CBLB: variants seen among roughly 807,000 people sequenced by gnomAD.
CBLB encodes the protein E3 ubiquitin-protein ligase CBL-B.
In CBLB, 31 loss-of-function variants were observed where a neutral mutation model predicts 104.9. The observed-to-expected ratio is 0.30, with a 90% CI of 0.22 to 0.40. The LOEUF (loss-of-function observed/expected upper bound fraction) is 0.40. Among genes scored for constraint, CBLB ranks in the 10% least tolerant of loss-of-function variants. The pLI is 1.00. For missense variants in CBLB, 1,062 were observed against 1,214.6 expected (o/e 0.87, Z 1.87); for synonymous variants, 440 against 422.6 (o/e 1.04, Z -0.51).
At chr3:105,773,065 T>C (rs1051329501) in intron 4 of CBLB, among the ~76,000 whole-genome samples, 17 of 152,192 alleles carry the variant, frequency 1.1e-4, no homozygotes, top group African/African-American at 3.9e-4. Flanking sequence ...GAAGTCATTA[T>C]ATGAAAAAGA....
intron 10 of CBLB, among the ~76,000 whole-genome samples, chr3:105,707,083 A>G (rs2070263836): frequency 6.6e-6 from 1 of 152,160 alleles, no homozygotes; most frequent in African/African-American, 2.4e-5. Flanking sequence ...TTGATTTCAG[A>G]TGTGTTGAAG....
chr3:105,729,355 C>G (rs2074049978), intron 9 of CBLB, among the ~76,000 whole-genome samples: 1 of 152,016 alleles, frequency 6.6e-6, no homozygotes, highest in South Asian at 2.1e-4. Context: ...ATTGCAGCTG[C>G]TCAAAGAATG....
intron 9 of CBLB, among the ~76,000 whole-genome samples, chr3:105,726,252 C>T (rs1245682491): frequency 6.6e-6 from 1 of 152,216 alleles, no homozygotes; most frequent in African/African-American, 2.4e-5. Context: ...ACATATGGAA[C>T]ATCTATAAAT....
At chr3:105,785,247 G>A (rs1459412882) in intron 3 of CBLB, among the ~76,000 whole-genome samples, 1 of 152,166 alleles carries the variant, frequency 6.6e-6, no homozygotes, top group Non-Finnish European at 1.5e-5. Context: ...ATAATTTGCT[G>A]ACCCCAAAAC....
intron 16 of CBLB, chr3:105,681,273 C>A: frequency 1.7e-6 from 1 of 598,074 alleles, no homozygotes; most frequent in South Asian, 2.1e-5. Flanking sequence ...CTGACTGATG[C>A]CCAACTACTA....
chr3:105,812,134 A>C (rs1357988556), intron 3 of CBLB, among the ~76,000 whole-genome samples: 2 of 152,154 alleles, frequency 1.3e-5, no homozygotes, highest in Non-Finnish European at 2.9e-5. Context: ...TTTGCTGCTA[A>C]TGGCATATAC....
intron 4 of CBLB, among the ~76,000 whole-genome samples, chr3:105,759,908 A>G (rs1413248694): frequency 6.6e-6 from 1 of 152,206 alleles, no homozygotes; most frequent in African/African-American, 2.4e-5. Context: ...AGCCCTGGCC[A>G]TGCCTCCCCT....
Position 105,685,404 on chromosome 3 carries a change from T to A in CBLB, c.2117A>T (p.Asp706Val). ...GGATGAAGGAATCTTGTATTCATCA[T>A]CATCTTCCTCTACTGGGTCTCTTGT... is the stretch of plus-strand genomic sequence containing the variant. ...EKTRDPVEED[D>V]DEYKIPSSHP... The change falls in exon 14 of 19, where the codon GAT becomes GTT. Residue 706 changes from aspartate to valine, a missense_variant. This residue lies in a region of CBLB where 605 missense variants were observed against 582.6 expected (regional missense o/e 1.04). Coordinates refer to ENST00000394030, the MANE Select transcript of CBLB (RefSeq NM_170662.5). 1 of 1,611,434 alleles carries A rather than the reference T, an allele frequency of 6.2e-7. No individual in the cohort carries two copies. The highest frequency in any genetic ancestry group is 1.1e-5 in the South Asian group (1 of 91,052).
At chr3:105,667,386 C>T (rs2152689556) in intron 18 of CBLB, among the ~76,000 whole-genome samples, 1 of 152,162 alleles carries the variant, frequency 6.6e-6, no homozygotes, top group South Asian at 2.1e-4. Context: ...ATTTGTAAAA[C>T]CTCACACATA....
At chr3:105,713,667 C>T (rs969625597) in intron 10 of CBLB, among the ~76,000 whole-genome samples, 4 of 152,156 alleles carry the variant, frequency 2.6e-5, no homozygotes, top group Admixed American at 6.6e-5. Context: ...TAATCACATG[C>T]TAATAAAGAA....
chr3:105,812,575 C>A (rs1197661634), intron 3 of CBLB, among the ~76,000 whole-genome samples: 1 of 151,944 alleles, frequency 6.6e-6, no homozygotes, highest in East Asian at 1.9e-4. Flanking sequence ...TGAGCAAGGG[C>A]AAAAGTTTTG....
chr3:105,702,465 G>C lies in CBLB; in HGVS notation c.1594-6C>G. On this transcript the variant is annotated splice_polypyrimidine_tract_variant and splice_region_variant and intron_variant, in intron 11 of 18. Transcript: ENST00000394030. ...CTCACCATGCAAGGAGAAGACTAAA[G>C]AAACAGAAGAGAAAAAAAAAAAAAA... 5 of 225,268 alleles carry C rather than the reference G, an allele frequency of 2.2e-5. No homozygotes were observed. The highest frequency in any genetic ancestry group is 4.5e-5 in the South Asian group (1 of 22,310). The allele number at this position is 225,268 out of a possible 1,614,324, so 14.0% of individuals were successfully genotyped here. A position where few individuals can be genotyped will look rare whatever the true frequency, so the allele number is the denominator to read the frequency against.
chr3:105,675,884 CA>C (rs71111383), intron 17 of CBLB, among the ~76,000 whole-genome samples: 8,290 of 81,446 alleles, frequency 0.1, 149 homozygotes, highest in East Asian at 0.28. Context: ...GACCCTGTCT[CA>C]AAAAAAAAAA....
chr3:105,786,297 T>C (rs1468844579), intron 3 of CBLB, among the ~76,000 whole-genome samples: 1 of 152,182 alleles, frequency 6.6e-6, no homozygotes, highest in Non-Finnish European at 1.5e-5. Context: ...TAAATTGCCC[T>C]ATTTTCAGTA....
rs2067409064 is a variant in CBLB, at chr3:105,689,530, C to T, written c.2054+3964G>A. On this transcript the variant is annotated intron_variant, in intron 13 of 18. Coordinates refer to ENST00000394030, the MANE Select transcript of CBLB (RefSeq NM_170662.5). ...ATTCTTAAAAAAAAAAAAAGATATT[C>T]CTCAGCATTTCAGAACATTATCTTA... 4.0e-5 allele frequency among the ~76,000 whole-genome samples: 6 copies of T among 150,832 alleles called. No individual in the cohort carries two copies. In the South Asian group the frequency reaches 1.3e-3, roughly 31 times the overall value.
At chr3:105,736,455 A>T (rs1472462239) in intron 8 of CBLB, among the ~76,000 whole-genome samples, 5 of 152,228 alleles carry the variant, frequency 3.3e-5, no homozygotes, top group African/African-American at 1.2e-4. Context: ...AAGATGCAGA[A>T]GTTCCCATGT....
At chr3:105,824,657 A>T (rs928219899) in intron 3 of CBLB, among the ~76,000 whole-genome samples, 1 of 152,014 alleles carries the variant, frequency 6.6e-6, no homozygotes, top group Non-Finnish European at 1.5e-5. Flanking sequence ...TAGTAATAAC[A>T]TCTTAAAATA....
intron 3 of CBLB, among the ~76,000 whole-genome samples, chr3:105,830,681 C>T (rs2087363421): frequency 6.6e-6 from 1 of 152,072 alleles, no homozygotes; most frequent in African/African-American, 2.4e-5. Context: ...AGAAACAGAG[C>T]CATTATCAAG....
rs1025681879 is a variant in CBLB at position 105,658,281 on chromosome 3, C to T, written c.*689G>A. The stretch of plus-strand genomic sequence containing the variant: ...AAGCTCCTCTATGTTATGTGAAAAC[C>T]CCTTACAAAAGGCAGTTTATTGACA... On this transcript the variant is annotated 3_prime_UTR_variant, in exon 19 of 19. Coordinates refer to ENST00000394030, the MANE Select transcript of CBLB (RefSeq NM_170662.5). The T allele has an allele frequency of 9.1e-6, 2 of 220,316 alleles. No homozygotes were observed. The highest frequency in any genetic ancestry group is 1.8e-5 in the Non-Finnish European group (2 of 109,894). The allele number at this position is 220,316 out of a possible 1,614,324, so 13.6% of individuals were successfully genotyped here. A position where few individuals can be genotyped will look rare whatever the true frequency, so the allele number is the denominator to read the frequency against.
Sources: gnomAD v4.1 joint callset for allele counts (sites outside exome capture counted in the v4.1 genomes callset) on GRCh38, gnomAD v4.1.1 for gene constraint, gnomAD v4.1.1 regional missense constraint, MANE v1.5 for transcripts, NCBI Gene and HGNC (gene_info 2026-07-23, HGNC 2026-07-21) for gene names.